SNX9: variants seen among roughly 807,000 people sequenced by gnomAD.
SNX9 encodes sorting nexin-9.
In SNX9, 44 loss-of-function variants were observed where a neutral mutation model predicts 89.4. The observed-to-expected ratio is 0.49, with a 90% confidence interval of 0.39 to 0.63. SNX9 has a LOEUF of 0.63. SNX9 is among the 30% of genes least tolerant of loss of function. SNX9 has a pLI of 0.00. For missense variants in SNX9, 578 were observed against 736.1 expected (o/e 0.79, Z 2.49); for synonymous variants, 236 against 247.8 (o/e 0.95, Z 0.45).
intron 9 of SNX9, among the ~76,000 whole-genome samples, chr6:157,915,179 A>G (rs2115185231): frequency 6.6e-6 from 1 of 152,288 alleles, no homozygotes; most frequent in East Asian, 1.9e-4. Flanking sequence ...CTAGTCCTAC[A>G]CTGTCTTGAC....
At chr6:157,896,792 AC>A (rs763819523) in intron 4 of SNX9, 34 bp from the exon 5 acceptor site, 1 of 1,611,822 alleles carries the variant, frequency 6.2e-7, no homozygotes, top group East Asian at 2.2e-5. Context: ...TCCAAAAGTC[AC>A]AAAAATTCTC....
In SNX9 at chr6:157,851,867, G is replaced by T. The variant is rs1348112321; in HGVS notation, c.13-15680G>T. Among the ~76,000 whole-genome samples, 2 of 152,174 alleles carry T rather than the reference G, an allele frequency of 1.3e-5. 1 individual carries two copies. The highest frequency in any genetic ancestry group is 4.8e-5 in the African/African-American group (2 of 41,444). ...GCCTCCCAAAGTGCTGGGATTACAG[G>T]TCTGAGCCACCGTGCCCGGCCTGTT... On this transcript the variant is annotated intron_variant, in intron 1 of 17. Transcript: ENST00000392185.
chr6:157,923,832 T>G (rs968634380), intron 10 of SNX9, among the ~76,000 whole-genome samples: 5 of 152,188 alleles, frequency 3.3e-5, no homozygotes, highest in Admixed American at 3.3e-4. Flanking sequence ...GTCTTTTCAG[T>G]AATTGGTGCT....
chr6:157,849,850 A>C (rs1320638379), intron 1 of SNX9, among the ~76,000 whole-genome samples: 1 of 152,174 alleles, frequency 6.6e-6, no homozygotes, highest in Non-Finnish European at 1.5e-5. Context: ...TTGGAACTGC[A>C]TGCAGGAATC....
intron 4 of SNX9, 21 bp from the exon 5 acceptor site, chr6:157,896,803 CCTT>C (rs757111690): frequency 5.0e-6 from 8 of 1,611,076 alleles, no homozygotes; most frequent in African/African-American, 2.7e-5. Flanking sequence ...CAAAAATTCT[CCTT>C]CTTTTTACCC....
chr6:157,861,670 C>T (rs544962473), intron 1 of SNX9, among the ~76,000 whole-genome samples: 8 of 152,188 alleles, frequency 5.3e-5, no homozygotes, highest in South Asian at 2.1e-4. Flanking sequence ...CCTTTAGTGA[C>T]GGGGGATATG....
chr6:157,905,158 C>T (rs1322341217), intron 6 of SNX9, among the ~76,000 whole-genome samples: 2 of 152,084 alleles, frequency 1.3e-5, no homozygotes, highest in Non-Finnish European at 2.9e-5. Flanking sequence ...CATCTGGTCT[C>T]TTGTGTAAGC....
intron 7 of SNX9, among the ~76,000 whole-genome samples, chr6:157,909,345 G>A (rs148533918): frequency 3.5e-4 from 53 of 152,282 alleles, no homozygotes; most frequent in Non-Finnish European, 5.4e-4. Context: ...CCTTCATCAC[G>A]TGTAGCTTGA....
intron 4 of SNX9, among the ~76,000 whole-genome samples, chr6:157,879,737 GT>G (rs1378592212): frequency 2.0e-5 from 3 of 152,176 alleles, no homozygotes; most frequent in Non-Finnish European, 4.4e-5. Context: ...TGCTAGTCTT[GT>G]TTTTCATCAG....
intron 12 of SNX9, among the ~76,000 whole-genome samples, chr6:157,931,278 T>C (rs895724117): frequency 6.7e-6 from 1 of 150,308 alleles, no homozygotes; most frequent in African/African-American, 2.5e-5. Flanking sequence ...TTAACTGAGC[T>C]CGTGTAATTT....
chr6:157,933,649 G>A (rs1420361579), intron 13 of SNX9, among the ~76,000 whole-genome samples: 2 of 152,160 alleles, frequency 1.3e-5, no homozygotes, highest in Non-Finnish European at 2.9e-5. Flanking sequence ...GAAGAGCTGA[G>A]AGCAAGCCAC....
intron 14 of SNX9, among the ~76,000 whole-genome samples, chr6:157,936,896 A>G (rs1429908989): frequency 8.5e-5 from 13 of 152,232 alleles, no homozygotes; most frequent in Admixed American, 6.5e-4. Context: ...ATTTTTTTTC[A>G]GATGACTTTA....
At chr6:157,910,076 C>A in intron 9 of SNX9, 51 bp downstream of exon 9, 1 of 1,393,486 alleles carries the variant, frequency 7.2e-7, no homozygotes, top group Non-Finnish European at 1.0e-6. Flanking sequence ...AGACTCCAGT[C>A]AGATTATCTT....
At chr6:157,909,513 C>T (rs769323838) in intron 7 of SNX9, 152 bp from the exon 8 acceptor site, 8 of 894,864 alleles carry the variant, frequency 8.9e-6, no homozygotes, top group Non-Finnish European at 1.4e-5. Flanking sequence ...GGAACAGAAA[C>T]CATTGAACCA....
At chr6:157,834,481 G>A (rs534625713) in intron 1 of SNX9, among the ~76,000 whole-genome samples, 3 of 151,092 alleles carry the variant, frequency 2.0e-5, no homozygotes, top group South Asian at 2.1e-4. Flanking sequence ...CAAGTAGCTT[G>A]GACTACAGCT....
At chr6:157,843,945 G>C (rs1781752180) in intron 1 of SNX9, among the ~76,000 whole-genome samples, 1 of 145,372 alleles carries the variant, frequency 6.9e-6, no homozygotes, top group East Asian at 2.0e-4. Context: ...CATGATCTTG[G>C]CTCACTGTAA....
chr6:157,932,400 A>T, intron 13 of SNX9, 128 bp downstream of exon 13: 1 of 775,144 alleles, frequency 1.3e-6, no homozygotes, highest in Non-Finnish European at 2.2e-6. Context: ...TAAATTGGCT[A>T]GGCTGCCGCA....
chr6:157,855,040 C>G (rs755906785), intron 1 of SNX9, among the ~76,000 whole-genome samples: 19 of 151,652 alleles, frequency 1.3e-4, no homozygotes, highest in Non-Finnish European at 2.2e-4. Context: ...CTCCTTTAGC[C>G]ATCTTCTTTC....
chr6:157,844,587 G>GTTTTTTT lies in SNX9; in HGVS notation c.12+21147_12+21153dup, dbSNP rs1177648226. On this transcript the variant is annotated intron_variant, in intron 1 of 17. Transcript: ENST00000392185. ...ATTTTTAATCTTGTGGCTAATCCTTGTTTTTTTTTTTTGTTTTTTTTTTTG... is the reference window on the plus strand; with the variant it reads ...ATTTTTAATCTTGTGGCTAATCCTTGTTTTTTTTTTTTTTTTTTTGTTTTTTTTTTTG... Among the ~76,000 whole-genome samples, 213 of 130,254 alleles carry GTTTTTTT rather than the reference G, an allele frequency of 1.6e-3. 7 individuals are homozygous for GTTTTTTT. The highest frequency in any genetic ancestry group is 2.7e-3 in the African/African-American group (88 of 32,886). The allele number at this position is 130,254 out of a possible 152,430, so 85.5% of individuals were successfully genotyped here.
Sources: gnomAD v4.1 joint callset for allele counts (sites outside exome capture counted in the v4.1 genomes callset) on GRCh38, gnomAD v4.1.1 for gene constraint, MANE v1.5 for transcripts, NCBI Gene and HGNC (gene_info 2026-07-23, HGNC 2026-07-21) for gene names.